FLI1: variants seen among roughly 807,000 people sequenced by gnomAD.
FLI1 encodes Friend leukemia integration 1 transcription factor.
A neutral mutation model predicts 53.1 loss-of-function variants in FLI1; 13 were observed. That is an observed-to-expected ratio of 0.24 (90% CI 0.16 to 0.39). The LOEUF (loss-of-function observed/expected upper bound fraction) is 0.39, where lower values mean the gene tolerates loss of function less well. Among genes scored for constraint, FLI1 ranks in the 10% least tolerant of loss-of-function variants. The pLI is 1.00. For synonymous variants in FLI1, 244 were observed against 236.7 expected (o/e 1.03, Z -0.28); for missense variants, 424 against 600.5 (o/e 0.71, Z 3.07).
At chr11:128,700,055 A>G (rs1938258409) in intron 1 of FLI1, among the ~76,000 whole-genome samples, 1 of 152,250 alleles carries the variant, frequency 6.6e-6, no homozygotes, top group South Asian at 2.1e-4. Flanking sequence ...GAGCACAGCA[A>G]GTGTTACCAT....
chr11:128,694,290 C>CAACGGACGCGGGCGGCGGGGA lies in FLI1; in HGVS notation c.18+15_18+35dup. 2 of 1,364,252 alleles carry CAACGGACGCGGGCGGCGGGGA rather than the reference C, an allele frequency of 1.5e-6. No individual in the cohort carries two copies. The highest frequency in any genetic ancestry group is 1.9e-6 in the Non-Finnish European group (2 of 1,047,866). 84.5% of individuals were successfully genotyped at this position (1,364,252 alleles called of 1,614,324 possible). ...GGGACTATTAAGGTAAGCGGCGGGG[C>CAACGGACGCGGGCGGCGGGGA]AACGGACGCGGGCGGCGGGGACCGG... On this transcript the variant is annotated intron_variant, in intron 1 of 8. Transcript: ENST00000527786.
At chr11:128,711,698 G>A (rs1938790797) in intron 1 of FLI1, among the ~76,000 whole-genome samples, 1 of 152,128 alleles carries the variant, frequency 6.6e-6, no homozygotes, top group African/African-American at 2.4e-5. Context: ...CAAAATACTG[G>A]CATTGTACTT....
intron 1 of FLI1, among the ~76,000 whole-genome samples, chr11:128,723,200 CACAA>C (rs1035848759): frequency 3.0e-4 from 46 of 152,248 alleles, no homozygotes; most frequent in African/African-American, 1.1e-3. Context: ...TGGGGAGGGA[CACAA>C]ACACTCACTC....
chr11:128,796,933 C>T (rs892406467), intron 5 of FLI1, among the ~76,000 whole-genome samples: 13 of 152,218 alleles, frequency 8.5e-5, no homozygotes, highest in African/African-American at 3.1e-4. Flanking sequence ...CGAGATTGCG[C>T]CATTGCACTC....
chr11:128,746,966 T>C, intron 1 of FLI1, among the ~76,000 whole-genome samples: 1 of 152,200 alleles, frequency 6.6e-6, no homozygotes, highest in East Asian at 1.9e-4. Context: ...AGCAGTGTGG[T>C]GATTGGCTGC....
chr11:128,712,410 C>T (rs898992078), intron 1 of FLI1, among the ~76,000 whole-genome samples: 3 of 152,120 alleles, frequency 2.0e-5, no homozygotes, highest in Non-Finnish European at 4.4e-5. Context: ...CTCAGATATT[C>T]CGTTATAGCT....
Position 128,768,543 on chromosome 11 carries a change from G to T in FLI1, c.385+271G>T, listed in dbSNP as rs1941436072. On this transcript the variant is annotated intron_variant, in intron 3 of 8. Transcript: ENST00000527786. ...AAAAAAAAAAAAAATACAAAAATTA[G>T]CCAGGTGTGGTAGTGGACGCTTATA... The T allele has an allele frequency of 1.2e-5, 5 of 432,064 alleles. No homozygotes were observed. In the East Asian group the frequency reaches 1.8e-4, roughly 15 times the overall value. The allele number at this position is 432,064 out of a possible 1,614,324, so 26.8% of individuals were successfully genotyped here.
At chr11:128,720,209 C>T (rs967107695) in intron 1 of FLI1, among the ~76,000 whole-genome samples, 1 of 152,060 alleles carries the variant, frequency 6.6e-6, no homozygotes, top group Non-Finnish European at 1.5e-5. Context: ...TAAATTACGG[C>T]CATGTTCCTG....
At chr11:128,781,428 A>T (rs1941913420) in intron 4 of FLI1, among the ~76,000 whole-genome samples, 1 of 152,256 alleles carries the variant, frequency 6.6e-6, no homozygotes, top group South Asian at 2.1e-4. Context: ...ACAAAGCAAA[A>T]CAAAAACTAA....
In FLI1 at chr11:128,694,116, G is replaced by GGCAGGGCGCTC. The variant is rs1334972439; in HGVS notation, c.-136_-126dup. The GGCAGGGCGCTC allele has an allele frequency of 4.5e-4, 333 of 739,406 alleles. No homozygotes were observed. Among genetic ancestry groups the GGCAGGGCGCTC allele is most frequent in the Middle Eastern group, 8.3e-4 (3 of 3,604 alleles). 45.8% of individuals were successfully genotyped at this position (739,406 alleles called of 1,614,324 possible). A position where few individuals can be genotyped will look rare whatever the true frequency, so the allele number is the denominator to read the frequency against. On this transcript the variant is annotated 5_prime_UTR_variant, in exon 1 of 9. Coordinates refer to ENST00000527786, the MANE Select transcript of FLI1 (RefSeq NM_002017.5). ...CAACAAACGTGCACAGGGGAGTGAG[G>GGCAGGGCGCTC]GCAGGGCGCTCGCAGGGGGCACGCA...
At chr11:128,728,706 C>T (rs147989365) in intron 1 of FLI1, among the ~76,000 whole-genome samples, 3 of 152,340 alleles carry the variant, frequency 2.0e-5, no homozygotes, top group Non-Finnish European at 4.4e-5. Flanking sequence ...TATTGGGATT[C>T]TTCCCTTCAG....
intron 1 of FLI1, among the ~76,000 whole-genome samples, chr11:128,702,755 G>T (rs1359950250): frequency 1.3e-5 from 2 of 152,110 alleles, no homozygotes; most frequent in Non-Finnish European, 2.9e-5. Context: ...CCAGCTACTT[G>T]GGAGGCTGAG....
At chr11:128,687,354 C>T (rs1163283481) in intron 1 of FLI1, among the ~76,000 whole-genome samples, 2 of 152,028 alleles carry the variant, frequency 1.3e-5, no homozygotes, top group African/African-American at 4.8e-5. Flanking sequence ...AATGAAAATC[C>T]GCTGGCTGGG....
intron 1 of FLI1, among the ~76,000 whole-genome samples, chr11:128,723,933 A>ATTTTTTTT (rs376612983): frequency 1.2e-5 from 1 of 80,996 alleles, no homozygotes; most frequent in Non-Finnish European, 2.2e-5. Flanking sequence ...AATGGAGTTG[A>ATTTTTTTT]TTTTTTTTTT....
In FLI1 at chr11:128,812,904, A is replaced by G. The variant is rs1942967709; in HGVS notation, c.*1916A>G. ...GCCTCCAGTTCCTTCACTGTTAGGT[A>G]GCTTATTTTCATTTTCTCTATTTTA... On this transcript the variant is annotated 3_prime_UTR_variant, in exon 9 of 9. Transcript: ENST00000527786. 1 of 115,290 alleles carries G rather than the reference A, an allele frequency of 8.7e-6. No individual in the cohort carries two copies. 7.1% of individuals were successfully genotyped at this position (115,290 alleles called of 1,614,324 possible). A position where few individuals can be genotyped will look rare whatever the true frequency, so the allele number is the denominator to read the frequency against.
chr11:128,804,253 G>C (rs1174068047), intron 5 of FLI1: 1 of 152,194 alleles, frequency 6.6e-6, no homozygotes, highest in African/African-American at 2.4e-5. Context: ...GCATGGTTGT[G>C]TTTCACCCCG....
chr11:128,778,623 A>C (rs1941816938), intron 4 of FLI1, among the ~76,000 whole-genome samples: 2 of 152,204 alleles, frequency 1.3e-5, no homozygotes, highest in African/African-American at 4.8e-5. Context: ...TGGCTTATGC[A>C]AGGATTAAGT....
chr11:128,806,388 T>G (rs1185942160), intron 6 of FLI1: 3 of 152,212 alleles, frequency 2.0e-5, no homozygotes, highest in African/African-American at 7.2e-5. Context: ...GATTTGGACC[T>G]GTGGCGATAT....
At chr11:128,728,893 C>T (rs1939584624) in intron 1 of FLI1, among the ~76,000 whole-genome samples, 1 of 152,182 alleles carries the variant, frequency 6.6e-6, no homozygotes, top group Non-Finnish European at 1.5e-5. Context: ...TGAGAGGAAC[C>T]TACAACTTTT....
Sources: gnomAD v4.1 joint callset for allele counts (sites outside exome capture counted in the v4.1 genomes callset) on GRCh38, gnomAD v4.1.1 for gene constraint, MANE v1.5 for transcripts, NCBI Gene and HGNC (gene_info 2026-07-23, HGNC 2026-07-21) for gene names.